The following BIRC6 variants were observed in gnomAD, a reference collection of about 807,000 sequenced individuals.
BIRC6 encodes dual E2 ubiquitin-conjugating enzyme/E3 ubiquitin-protein ligase BIRC6.
A neutral mutation model predicts 503.3 loss-of-function variants in BIRC6; 98 were observed. The ratio of observed to expected loss-of-function variants is 0.19; its 90% CI spans 0.17 to 0.23. The LOEUF is 0.23. Among genes scored for constraint, BIRC6 ranks in the 10% least tolerant of loss-of-function variants. The pLI, the probability that BIRC6 is intolerant of heterozygous loss-of-function variation, is 1.00. For missense variants in BIRC6, 5,360 were observed against 5,806.0 expected (o/e 0.92, Z 2.50); for synonymous variants, 2,240 against 2,078.7 (o/e 1.08, Z -2.11).
chr2:32,428,854 A>G (rs916133115), intron 10 of BIRC6, among the ~76,000 whole-genome samples: 10 of 152,220 alleles, frequency 6.6e-5, no homozygotes, highest in African/African-American at 2.2e-4. Flanking sequence ...GTTTTTGGTA[A>G]AAAGTAAATG....
In BIRC6 at chr2:32,515,634, C is replaced by T. The variant is rs2054946214; in HGVS notation, c.11213C>T (p.Ala3738Val). 1.2e-6 allele frequency: 2 copies of T among 1,612,748 alleles called. No homozygotes were observed. Among genetic ancestry groups the T allele is most frequent in the Non-Finnish European group, 1.7e-6 (2 of 1,179,878 alleles). ...AATTTAGGTGCACAACAGACCAGTG[C>T]AAGATCAGCTTCTCTTTCTTCAGCT... ...SHNLGAQQTS[A>V]RSASLSSAAT... Residue 3738 changes from alanine to valine, a missense_variant, in exon 55 of 74, where the codon GCA becomes GTA. By Grantham distance (64) the Ala-to-Val change is moderately conservative. Transcript: ENST00000421745.
At chr2:32,463,868 C>T (rs565434347) in intron 24 of BIRC6, among the ~76,000 whole-genome samples, 10 of 152,178 alleles carry the variant, frequency 6.6e-5, no homozygotes, top group Non-Finnish European at 1.0e-4. Flanking sequence ...AAGATGTGAG[C>T]GGTGGGCAAG....
chr2:32,398,203 T>G (rs1346070896), intron 6 of BIRC6, among the ~76,000 whole-genome samples: 2 of 152,140 alleles, frequency 1.3e-5, no homozygotes, highest in Non-Finnish European at 2.9e-5. Flanking sequence ...TCCACTTCTA[T>G]TTACGTACCC....
chr2:32,493,370 C>T (rs1024977587), intron 44 of BIRC6, among the ~76,000 whole-genome samples, 170 bp from the exon 45 acceptor site: 1 of 151,962 alleles, frequency 6.6e-6, no homozygotes. Context: ...AAAATAAATA[C>T]ATCAAGACCT....
At chr2:32,373,029 A>C (rs961815299) in intron 1 of BIRC6, among the ~76,000 whole-genome samples, 1 of 152,238 alleles carries the variant, frequency 6.6e-6, no homozygotes, top group Non-Finnish European at 1.5e-5. Flanking sequence ...CTGTCAAACC[A>C]GTGTGGCTGT....
chr2:32,459,650 G>A (rs1262784228), intron 23 of BIRC6, among the ~76,000 whole-genome samples: 1 of 152,072 alleles, frequency 6.6e-6, no homozygotes. Flanking sequence ...CTTTTTAAAT[G>A]CATTAACACT....
rs761586739 is a variant in BIRC6 at position 32,607,439 on chromosome 2, T to C, written c.14071-16T>C. The stretch of plus-strand genomic sequence containing the variant: ...AAAATGTCCCATCATAGCTGTTCTT[T>C]TCCTTTATTCTTTAGGTGTTGGTGT... On this transcript the variant is annotated splice_polypyrimidine_tract_variant and intron_variant, in intron 71 of 73. Coordinates refer to ENST00000421745, the MANE Select transcript of BIRC6 (RefSeq NM_016252.4). 1 of 1,473,320 alleles carries C rather than the reference T, an allele frequency of 6.8e-7. No individual in the cohort carries two copies. The highest frequency in any genetic ancestry group is 1.5e-5 in the South Asian group (1 of 68,474). The allele number at this position is 1,473,320 out of a possible 1,614,324, so 91.3% of individuals were successfully genotyped here.
intron 1 of BIRC6, among the ~76,000 whole-genome samples, chr2:32,366,456 T>C (rs2034944846): frequency 2.0e-5 from 3 of 152,330 alleles, no homozygotes; most frequent in East Asian, 3.9e-4. Flanking sequence ...TGTGGATGTA[T>C]GATATTATTT....
In BIRC6 at chr2:32,435,450, C is replaced by G. The variant is rs557493014; in HGVS notation, c.3410-46C>G. The stretch of plus-strand genomic sequence containing the variant: ...TTAAGTTTACTAATATTTTTATCCT[C>G]TAGAAACAGCAGTAGATAGGCAGAT... On this transcript the variant is annotated intron_variant, in intron 13 of 73. Coordinates refer to ENST00000421745, the MANE Select transcript of BIRC6 (RefSeq NM_016252.4). 34 of 1,495,074 alleles carry G rather than the reference C, an allele frequency of 2.3e-5. No individual in the cohort carries two copies. In the Admixed American group the frequency reaches 6.0e-4, roughly 27 times the overall value. 92.6% of individuals were successfully genotyped at this position (1,495,074 alleles called of 1,614,324 possible).
chr2:32,487,724 A>G lies in BIRC6; in HGVS notation c.7891A>G (p.Ile2631Val). ...QAANQTSQLI[I>V]QLSSVPMLNV... ...AGCAAACCAAACCAGCCAGCTTATTATACAGTTATCATCTGTCCCAATGTT... is the reference window on the plus strand; with the variant it reads ...AGCAAACCAAACCAGCCAGCTTATTGTACAGTTATCATCTGTCCCAATGTT... The change falls in exon 41 of 74, where the codon ATA becomes GTA. Residue 2631 changes from isoleucine (I) to valine (V), a missense_variant. By Grantham distance (29) the Ile-to-Val change is conservative. This residue lies in a region of BIRC6 where 2,299 missense variants were observed against 2,267.2 expected (regional missense o/e 1.01). Coordinates refer to ENST00000421745, the MANE Select transcript of BIRC6 (RefSeq NM_016252.4). The G allele has an allele frequency of 6.2e-7, 1 of 1,613,612 alleles. No homozygotes were observed. The highest frequency in any genetic ancestry group is 8.5e-7 in the Non-Finnish European group (1 of 1,179,618).
chr2:32,543,196 G>A (rs768316591), intron 61 of BIRC6, 45 bp from the exon 62 acceptor site: 3 of 1,556,464 alleles, frequency 1.9e-6, no homozygotes, highest in Non-Finnish European at 2.6e-6. Context: ...TGAATCTGAT[G>A]TTGAAAATGT....
chr2:32,415,272 G>A lies in BIRC6; in HGVS notation c.1981G>A (p.Gly661Ser), dbSNP rs996136408. The A allele has an allele frequency of 7.2e-5, 117 of 1,613,872 alleles. No individual in the cohort carries two copies. Among genetic ancestry groups the A allele is most frequent in the Non-Finnish European group, 9.4e-5 (111 of 1,179,876 alleles). ...TATGAGTAAAAGTTTGCATGATGAT[G>A]GTTTTACTGTTCCACAGATTATTGA... ...NIMSKSLHDDGFTVPQIIEME... is the reference protein window; with the variant it reads ...NIMSKSLHDDSFTVPQIIEME... Residue 661 changes from glycine (G) to serine (S), a missense_variant, in exon 10 of 74, where the codon GGT becomes AGT. By Grantham distance (56) the Gly-to-Ser change is moderately conservative. Coordinates refer to ENST00000421745, the MANE Select transcript of BIRC6 (RefSeq NM_016252.4).
chr2:32,491,575 C>T lies in BIRC6; in HGVS notation c.8340+17C>T, dbSNP rs2051711531. ...AGTCCACAGGTAATATGATGTTTAG[C>T]CTGGCATATGCCCAGACTATTCAAT... On this transcript the variant is annotated intron_variant, in intron 44 of 73. Coordinates refer to ENST00000421745, the MANE Select transcript of BIRC6 (RefSeq NM_016252.4). 6.2e-7 allele frequency: 1 copy of T among 1,610,118 alleles called. No homozygotes were observed. Among genetic ancestry groups the T allele is most frequent in the Non-Finnish European group, 8.5e-7 (1 of 1,178,124 alleles).
At chr2:32,604,495 C>G (rs1573328031) in intron 71 of BIRC6, among the ~76,000 whole-genome samples, 1 of 152,280 alleles carries the variant, frequency 6.6e-6, no homozygotes. Context: ...GGCATTTATA[C>G]TCTTCCAAAA....
At chr2:32,434,183 T>A (rs2044431685) in intron 13 of BIRC6, among the ~76,000 whole-genome samples, 1 of 152,230 alleles carries the variant, frequency 6.6e-6, no homozygotes, top group African/African-American at 2.4e-5. Flanking sequence ...GCCTTTCATG[T>A]AATGCTAAAA....
intron 56 of BIRC6, 116 bp downstream of exon 56, chr2:32,518,513 C>T: frequency 9.4e-7 from 1 of 1,068,910 alleles, no homozygotes; most frequent in South Asian, 1.6e-5. Flanking sequence ...GAAACTAGCA[C>T]AGCCTTTATA....
Position 32,487,689 on chromosome 2 carries a change from G to C in BIRC6, c.7856G>C (p.Gly2619Ala). 3 of 1,613,718 alleles carry C rather than the reference G, an allele frequency of 1.9e-6. No individual in the cohort carries two copies. Among genetic ancestry groups the C allele is most frequent in the Non-Finnish European group, 2.5e-6 (3 of 1,179,744 alleles). ...GGAACAGATGATTCACTTCTAGGGG[G>C]TTTACAAGCAGCAAACCAAACCAGC... ...PTGTDDSLLG[G>A]LQAANQTSQL... Residue 2619 changes from glycine to alanine, a missense_variant, in exon 41 of 74, where the codon GGT becomes GCT. Around this residue, in one of 16 missense-constraint regions of BIRC6, gnomAD observed 2,299 missense variants for 2,267.2 expected, o/e 1.01. Coordinates refer to ENST00000421745, the MANE Select transcript of BIRC6 (RefSeq NM_016252.4).
At chr2:32,608,180 A>G (rs1300116668) in intron 72 of BIRC6, among the ~76,000 whole-genome samples, 3 of 150,790 alleles carry the variant, frequency 2.0e-5, no homozygotes, top group Non-Finnish European at 4.4e-5. Flanking sequence ...GTAGTCTTAG[A>G]TACTCAGTGG....
At chr2:32,423,693 CTTATCTGTGGTTTCAG>C (rs1181344207) in intron 10 of BIRC6, among the ~76,000 whole-genome samples, 1 of 152,160 alleles carries the variant, frequency 6.6e-6, no homozygotes, top group Non-Finnish European at 1.5e-5. Flanking sequence ...ATCCCTGCCC[CTTATCTGTGGTTTCAG>C]TTATCTGTGG....
Sources: allele counts gnomAD v4.1 joint callset (sites outside exome capture counted in the v4.1 genomes callset), GRCh38; gene constraint gnomAD v4.1.1; regional missense constraint gnomAD v4.1.1; transcripts MANE v1.5; gene names NCBI Gene and HGNC (gene_info 2026-07-23, HGNC 2026-07-21).